TMEM132B: variants seen among roughly 807,000 people sequenced by gnomAD.
TMEM132B encodes transmembrane protein 132B.
TMEM132B carries 18 observed loss-of-function variants against 90.8 expected under a neutral mutation model. The ratio of observed to expected loss-of-function variants is 0.20; its 90% CI spans 0.14 to 0.29. The LOEUF (loss-of-function observed/expected upper bound fraction) is 0.29. TMEM132B is among the 10% of genes least tolerant of loss of function. TMEM132B has a pLI of 1.00. For missense variants in TMEM132B, 1,096 were observed against 1,326.8 expected, an observed-to-expected ratio of 0.83 and a Z score of 2.70; for synonymous variants, 504 against 523.3, an observed-to-expected ratio of 0.96 and a Z score of 0.50.
chr12:125,372,798 C>T (rs547055132), intron 2 of TMEM132B, among the ~76,000 whole-genome samples: 6 of 152,238 alleles, frequency 3.9e-5, no homozygotes, highest in African/African-American at 1.2e-4. Context: ...CATGACGGAC[C>T]ACCCACCCCA....
intron 1 of TMEM132B, among the ~76,000 whole-genome samples, chr12:125,302,811 A>G (rs188536298): frequency 8.5e-5 from 13 of 152,308 alleles, no homozygotes; most frequent in Non-Finnish European, 1.5e-4. Flanking sequence ...ATATCCATTA[A>G]GCAGGCTGGG....
At chr12:125,387,156 G>A (rs1474280878) in intron 2 of TMEM132B, among the ~76,000 whole-genome samples, 3 of 151,236 alleles carry the variant, frequency 2.0e-5, no homozygotes, top group Admixed American at 1.3e-4. Context: ...TGGGGGTGGG[G>A]CGGGGAGATG....
chr12:125,428,809 G>T (rs570642331), intron 3 of TMEM132B, among the ~76,000 whole-genome samples: 1 of 152,248 alleles, frequency 6.6e-6, no homozygotes, highest in East Asian at 1.9e-4. Flanking sequence ...ATCCTATGTT[G>T]CTTTTCATAG....
Position 125,509,436 on chromosome 12 carries a change from TGAG to T in TMEM132B, c.1107-9999_1107-9997del, listed in dbSNP as rs58533412. Among the ~76,000 whole-genome samples, 788 of 152,294 alleles carry T rather than the reference TGAG, an allele frequency of 5.2e-3. 8 individuals are homozygous for T. The highest frequency in any genetic ancestry group is 0.018 in the African/African-American group (739 of 41,558). ...CCAGGCCAGGGCATTCCATAGTTAA[TGAG>T]GAGAACAACTAGGCCTCTCTTTTCC... On this transcript the variant is annotated intron_variant, in intron 3 of 8. Coordinates refer to ENST00000682704, the MANE Select transcript of TMEM132B (RefSeq NM_001366854.1).
chr12:125,605,498 G>GGCCTGGTTACCTGTT (rs2136930067), intron 5 of TMEM132B, among the ~76,000 whole-genome samples: 1 of 152,172 alleles, frequency 6.6e-6, no homozygotes, highest in East Asian at 1.9e-4. Context: ...CAGAGAGACA[G>GGCCTGGTTACCTGTT]GCCTGGTTAC....
intron 3 of TMEM132B, among the ~76,000 whole-genome samples, chr12:125,480,537 C>T (rs573329045): frequency 7.9e-5 from 12 of 152,214 alleles, no homozygotes; most frequent in Non-Finnish European, 1.5e-4. Context: ...GGGCCACATA[C>T]ACCCTCCCAA....
At chr12:125,243,735 T>C (rs985711576) in intron 1 of TMEM132B, among the ~76,000 whole-genome samples, 1 of 152,224 alleles carries the variant, frequency 6.6e-6, no homozygotes, top group Non-Finnish European at 1.5e-5. Context: ...TAGTCCCCAA[T>C]GTCTGTTGTT....
chr12:125,538,725 A>C (rs916277698), intron 4 of TMEM132B, among the ~76,000 whole-genome samples: 7 of 152,212 alleles, frequency 4.6e-5, no homozygotes, highest in African/African-American at 1.7e-4. Context: ...GGGTTTACTA[A>C]GATTTTGGTA....
At chr12:125,466,449 T>C (rs1167353017) in intron 3 of TMEM132B, among the ~76,000 whole-genome samples, 2 of 152,160 alleles carry the variant, frequency 1.3e-5, no homozygotes, top group East Asian at 3.9e-4. Context: ...AAGCACTAAT[T>C]GAAGGCTTGA....
At chr12:125,398,135 T>C (rs1673926480) in intron 2 of TMEM132B, among the ~76,000 whole-genome samples, 1 of 152,026 alleles carries the variant, frequency 6.6e-6, no homozygotes, top group African/African-American at 2.4e-5. Flanking sequence ...CCTAGAGTGT[T>C]CTCCATGGGA....
intron 1 of TMEM132B, among the ~76,000 whole-genome samples, chr12:125,324,298 C>T (rs1464919661): frequency 1.3e-5 from 2 of 152,174 alleles, no homozygotes; most frequent in Non-Finnish European, 2.9e-5. Flanking sequence ...AGAGTTAGAT[C>T]CAAAACAAGG....
chr12:125,597,135 A>G (rs1885458935), intron 5 of TMEM132B, among the ~76,000 whole-genome samples: 1 of 152,244 alleles, frequency 6.6e-6, no homozygotes, highest in Admixed American at 6.5e-5. Flanking sequence ...AAGACAGCAT[A>G]TTTAAAATTC....
Position 125,654,877 on chromosome 12 carries a change from G to A in TMEM132B, c.*167G>A, listed in dbSNP as rs1887022744. Reference sequence around the variant, plus strand: ...GAGGTTTGGAGAGCTATAGAAGCTGGGTTTTAAGTTTGGAAATGCCTCTAA... The same window carrying A: ...GAGGTTTGGAGAGCTATAGAAGCTGAGTTTTAAGTTTGGAAATGCCTCTAA... On this transcript the variant is annotated 3_prime_UTR_variant, in exon 9 of 9. Coordinates refer to ENST00000682704, the MANE Select transcript of TMEM132B (RefSeq NM_001366854.1). This position sits in a 1 kb window ranked among gnomAD's most constrained non-coding sequence, Gnocchi z 5.8. 1.2e-6 allele frequency: 1 copy of A among 816,030 alleles called. No homozygotes were observed. Among genetic ancestry groups the A allele is most frequent in the Non-Finnish European group, 1.8e-6 (1 of 541,662 alleles). The allele number at this position is 816,030 out of a possible 1,614,324, so 50.5% of individuals were successfully genotyped here.
At chr12:125,228,891 C>T (rs11058084) in intron 1 of TMEM132B, among the ~76,000 whole-genome samples, 5,451 of 152,296 alleles carry the variant, frequency 0.036, 126 homozygotes, top group Non-Finnish European at 0.049. Flanking sequence ...AGCCTGTGTA[C>T]TGGGGCTTCT....
intron 1 of TMEM132B, among the ~76,000 whole-genome samples, chr12:125,231,888 C>A (rs535155359): frequency 4.6e-5 from 7 of 151,694 alleles, no homozygotes; most frequent in African/African-American, 1.7e-4. Flanking sequence ...TTTGTGTCCC[C>A]CCCCCACCAA....
intron 3 of TMEM132B, among the ~76,000 whole-genome samples, chr12:125,437,776 T>A (rs1880747770): frequency 6.6e-6 from 1 of 152,130 alleles, no homozygotes; most frequent in Non-Finnish European, 1.5e-5. Context: ...TAAGCAAATC[T>A]ATAGAGACGG....
rs1357323925 is a variant in TMEM132B, at chr12:125,243,096, C to CAT, written c.67+56240_67+56241dup. ...ATATACATATATACACATACATATA[C>CAT]ATATATATATACACATATATATATA... On this transcript the variant is annotated intron_variant, in intron 1 of 8. Coordinates refer to ENST00000682704, the MANE Select transcript of TMEM132B (RefSeq NM_001366854.1). Among the ~76,000 whole-genome samples, 345 of 116,678 alleles carry CAT rather than the reference C, an allele frequency of 3.0e-3. 2 individuals carry two copies. The highest frequency in any genetic ancestry group is 5.0e-3 in the Non-Finnish European group (280 of 56,140). The allele number at this position is 116,678 out of a possible 152,430, so 76.5% of individuals were successfully genotyped here. A position where few individuals can be genotyped will look rare whatever the true frequency, so the allele number is the denominator to read the frequency against.
intron 1 of TMEM132B, among the ~76,000 whole-genome samples, chr12:125,254,980 C>T (rs1456425782): frequency 2.6e-5 from 4 of 152,096 alleles, no homozygotes; most frequent in Non-Finnish European, 4.4e-5. Flanking sequence ...CCACTGTGCC[C>T]GGCCGCCTCT....
intron 3 of TMEM132B, among the ~76,000 whole-genome samples, chr12:125,472,335 A>C (rs950005335): frequency 2.0e-5 from 3 of 152,208 alleles, no homozygotes; most frequent in Admixed American, 2.0e-4. Context: ...AGATGATTTT[A>C]AAGTTAGAAC....
Sources: allele counts gnomAD v4.1 joint callset (sites outside exome capture counted in the v4.1 genomes callset), GRCh38; gene constraint gnomAD v4.1.1; non-coding constraint Gnocchi (gnomAD v3.1); transcripts MANE v1.5; gene names NCBI Gene and HGNC (gene_info 2026-07-23, HGNC 2026-07-21).